The following KLHL22 variants were observed in gnomAD, a reference collection of about 807,000 sequenced individuals.
KLHL22 encodes the protein kelch-like protein 22.
A neutral mutation model predicts 60.7 loss-of-function variants in KLHL22; 18 were observed. The ratio of observed to expected loss-of-function variants is 0.30; its 90% confidence interval spans 0.20 to 0.44. The LOEUF is 0.44. Among genes scored for constraint, KLHL22 ranks in the 20% least tolerant of loss-of-function variants. KLHL22 has a pLI of 1.00. For synonymous variants in KLHL22, 355 were observed against 354.5 expected (o/e 1.00, Z -0.01); for missense variants, 596 against 852.3 (o/e 0.70, Z 3.74).
At chr22:20,455,769 A>G (rs1042270312) in intron 5 of KLHL22, among the ~76,000 whole-genome samples, 13 of 152,198 alleles carry the variant, frequency 8.5e-5, no homozygotes, top group Non-Finnish European at 1.8e-4. Context: ...TTAAGATGCT[A>G]ATGAGACATG....
intron 5 of KLHL22, among the ~76,000 whole-genome samples, chr22:20,448,294 G>C (rs369893301): frequency 1.3e-5 from 2 of 152,206 alleles, no homozygotes; most frequent in African/African-American, 4.8e-5. Context: ...ATGCATTTCA[G>C]ACTTTTGGAT....
chr22:20,453,707 A>T (rs1011148464), intron 5 of KLHL22, among the ~76,000 whole-genome samples: 32 of 152,194 alleles, frequency 2.1e-4, no homozygotes, highest in South Asian at 1.0e-3. Context: ...AATCAAAATT[A>T]AAAAATTTAT....
chr22:20,460,782 C>G (rs2053142310), intron 4 of KLHL22, among the ~76,000 whole-genome samples: 1 of 152,096 alleles, frequency 6.6e-6, no homozygotes. Context: ...AATAAGTCCT[C>G]AAGTAATATT....
At chr22:20,474,626 A>G (rs753565347) in intron 2 of KLHL22, among the ~76,000 whole-genome samples, 49 of 151,226 alleles carry the variant, frequency 3.2e-4, no homozygotes, top group Non-Finnish European at 4.9e-4. Context: ...TCCTGACCTC[A>G]GGTGATCCAC....
chr22:20,493,639 G>A lies in KLHL22; in HGVS notation c.-34+2121C>T, dbSNP rs548696576. 7.2e-5 allele frequency among the ~76,000 whole-genome samples: 11 copies of A among 152,132 alleles called. No homozygotes were observed. In the South Asian group the frequency reaches 2.1e-3, roughly 29 times the overall value. On this transcript the variant is annotated intron_variant, in intron 1 of 6. Transcript: ENST00000328879. ...TACTAAAAATACAAAAAAATTAGCCGGGCATGGTGGTAGGTGCCTATAATC... is the reference window on the plus strand; with the variant it reads ...TACTAAAAATACAAAAAAATTAGCCAGGCATGGTGGTAGGTGCCTATAATC...
At chr22:20,479,519 T>C (rs1016973232) in intron 2 of KLHL22, among the ~76,000 whole-genome samples, 3 of 151,370 alleles carry the variant, frequency 2.0e-5, no homozygotes, top group African/African-American at 4.9e-5. Context: ...CTGGGAAACA[T>C]AGTAAGATTC....
At chr22:20,483,254 G>C in intron 2 of KLHL22, 1 of 695,962 alleles carries the variant, frequency 1.4e-6, no homozygotes. Context: ...TCAGTGGACT[G>C]CATGGTGACC....
At chr22:20,442,799 A>C (rs2052784596) in intron 6 of KLHL22, among the ~76,000 whole-genome samples, 1 of 152,204 alleles carries the variant, frequency 6.6e-6, no homozygotes. Context: ...CCCATGTCTG[A>C]GGGCACTGCT....
chr22:20,442,571 C>T, intron 6 of KLHL22, 133 bp from the exon 7 acceptor site: 4 of 1,127,914 alleles, frequency 3.5e-6, no homozygotes, highest in Admixed American at 3.0e-5. Context: ...AAGGATGGCA[C>T]AGGGCCAGTG....
intron 3 of KLHL22, among the ~76,000 whole-genome samples, chr22:20,471,115 C>T (rs1301413783): frequency 6.6e-6 from 1 of 152,162 alleles, no homozygotes; most frequent in Admixed American, 6.6e-5. Context: ...AGTGGGGAAA[C>T]AACCAGCAAT....
chr22:20,461,064 C>T (rs1457362358), intron 4 of KLHL22, among the ~76,000 whole-genome samples: 1 of 152,222 alleles, frequency 6.6e-6, no homozygotes, highest in African/African-American at 2.4e-5. Flanking sequence ...TGGCCAATAC[C>T]ATGATCTTGG....
chr22:20,488,099 A>G (rs2053616264), intron 2 of KLHL22, among the ~76,000 whole-genome samples: 1 of 152,194 alleles, frequency 6.6e-6, no homozygotes, highest in Non-Finnish European at 1.5e-5. Context: ...CACTTAAACC[A>G]TACATATTTT....
intron 2 of KLHL22, among the ~76,000 whole-genome samples, chr22:20,472,160 T>G (rs543647617): frequency 6.6e-6 from 1 of 152,252 alleles, no homozygotes; most frequent in African/African-American, 2.4e-5. Flanking sequence ...GGCACAAGAA[T>G]TGATTGAACC....
chr22:20,492,486 C>T (rs1448677069), intron 1 of KLHL22, among the ~76,000 whole-genome samples: 1 of 152,198 alleles, frequency 6.6e-6, no homozygotes, highest in Non-Finnish European at 1.5e-5. Context: ...CCCATCTAGG[C>T]CATTCTGTCT....
intron 4 of KLHL22, 46 bp downstream of exon 4, chr22:20,464,812 C>T (rs751704537): frequency 4.7e-5 from 57 of 1,221,734 alleles, no homozygotes; most frequent in Non-Finnish European, 6.4e-5. Flanking sequence ...CTTCCACACC[C>T]TCTCATCACC....
chr22:20,469,484 G>A (rs548375318), intron 3 of KLHL22, among the ~76,000 whole-genome samples: 151 of 152,326 alleles, frequency 9.9e-4, no homozygotes, highest in African/African-American at 3.5e-3. Flanking sequence ...GTTAACTGCT[G>A]CCAGGGTGGA....
rs1267172122 is a variant in KLHL22, at chr22:20,465,983, C to T, written c.394-407G>A. ...CCTCTCTAAGCCTCAGTCTCCTCAT[C>T]TATAAAACGGGGATCATTAAAGTGA... On this transcript the variant is annotated intron_variant, in intron 3 of 6. Coordinates refer to ENST00000328879, the MANE Select transcript of KLHL22 (RefSeq NM_032775.4). The surrounding 1 kb of genome is among the most constrained non-coding windows in gnomAD (Gnocchi z 4.9). Among the ~76,000 whole-genome samples the T allele has an allele frequency of 6.6e-6, 1 of 151,994 alleles. No individual in the cohort carries two copies. Among genetic ancestry groups the T allele is most frequent in the East Asian group, 1.9e-4 (1 of 5,178 alleles).
At chr22:20,476,581 T>G (rs1177930839) in intron 2 of KLHL22, among the ~76,000 whole-genome samples, 1 of 150,446 alleles carries the variant, frequency 6.6e-6, no homozygotes, top group East Asian at 2.0e-4. Context: ...GCCCGGCTAA[T>G]TTTTTGTATT....
intron 6 of KLHL22, among the ~76,000 whole-genome samples, chr22:20,445,282 C>T (rs1397155149): frequency 1.3e-5 from 2 of 151,100 alleles, no homozygotes; most frequent in South Asian, 2.1e-4. Flanking sequence ...TCTCAGCTCA[C>T]TGCAACCTCT....
Sources: allele counts gnomAD v4.1 joint callset (sites outside exome capture counted in the v4.1 genomes callset), GRCh38; gene constraint gnomAD v4.1.1; non-coding constraint Gnocchi (gnomAD v3.1); transcripts MANE v1.5; gene names NCBI Gene and HGNC (gene_info 2026-07-23, HGNC 2026-07-21).